Variants in CDYL2 observed in about 807,000 individuals in gnomAD.
CDYL2 encodes the protein chromodomain Y like 2.
CDYL2 carries 23 observed loss-of-function variants against 49.4 expected under a neutral mutation model. That is an observed-to-expected ratio of 0.47 (90% confidence interval 0.34 to 0.66). The LOEUF (loss-of-function observed/expected upper bound fraction) is 0.66, where lower values mean the gene tolerates loss of function less well. Ranked by LOEUF, CDYL2 falls within the 30% of genes least tolerant of loss-of-function variation. The pLI, the probability that CDYL2 is intolerant of heterozygous loss-of-function variation, is 0.01. For missense variants in CDYL2, 678 were observed against 656.4 expected (o/e 1.03, Z -0.36); for synonymous variants, 360 against 268.8 (o/e 1.34, Z -3.32).
chr16:80,642,182 C>T (rs1230348856), intron 2 of CDYL2, among the ~76,000 whole-genome samples: 1 of 152,160 alleles, frequency 6.6e-6, no homozygotes, highest in Non-Finnish European at 1.5e-5. Flanking sequence ...GTGGCTCACG[C>T]CTGTAATCCC....
At chr16:80,673,896 G>C (rs1214131615) in intron 2 of CDYL2, among the ~76,000 whole-genome samples, 1 of 152,188 alleles carries the variant, frequency 6.6e-6, no homozygotes, top group African/African-American at 2.4e-5. Flanking sequence ...TCAAGAGAAG[G>C]AGATGTGAGG....
intron 2 of CDYL2, among the ~76,000 whole-genome samples, chr16:80,639,950 C>A (rs903848632): frequency 2.0e-5 from 3 of 152,200 alleles, no homozygotes; most frequent in African/African-American, 7.2e-5. Flanking sequence ...TCACTGATAT[C>A]CCAGTGGTCA....
chr16:80,720,170 T>A (rs1362163959), intron 1 of CDYL2, among the ~76,000 whole-genome samples: 1 of 152,068 alleles, frequency 6.6e-6, no homozygotes, highest in Non-Finnish European at 1.5e-5. Context: ...TCCACACAGA[T>A]CCAGGAGGGG....
intron 2 of CDYL2, among the ~76,000 whole-genome samples, chr16:80,676,346 C>CT (rs1332018666): frequency 6.6e-6 from 1 of 152,136 alleles, no homozygotes; most frequent in Non-Finnish European, 1.5e-5. Flanking sequence ...GGGGTGGGTA[C>CT]TTGAAGTGGG....
chr16:80,769,528 C>A (rs1458167130), intron 1 of CDYL2, among the ~76,000 whole-genome samples: 3 of 152,096 alleles, frequency 2.0e-5, no homozygotes, highest in Non-Finnish European at 2.9e-5. Context: ...GAGAATGGAC[C>A]CTGCACTCAC....
At chr16:80,626,707 C>G (rs999350861) in intron 3 of CDYL2, among the ~76,000 whole-genome samples, 1 of 152,120 alleles carries the variant, frequency 6.6e-6, no homozygotes, top group Admixed American at 6.5e-5. Flanking sequence ...AGCAAACTTC[C>G]AAAGGATCAC....
intron 1 of CDYL2, among the ~76,000 whole-genome samples, chr16:80,733,796 A>C (rs1905417878): frequency 6.6e-6 from 1 of 152,204 alleles, no homozygotes; most frequent in East Asian, 1.9e-4. Context: ...GAACTATTGC[A>C]ATGGCTCCCA....
intron 1 of CDYL2, among the ~76,000 whole-genome samples, chr16:80,746,974 G>A (rs1301262475): frequency 6.6e-6 from 1 of 152,036 alleles, no homozygotes; most frequent in Non-Finnish European, 1.5e-5. Context: ...ACAACTGGCT[G>A]GATTTCAAAA....
intron 1 of CDYL2, among the ~76,000 whole-genome samples, chr16:80,794,492 T>C (rs532646520): frequency 6.6e-6 from 1 of 152,110 alleles, no homozygotes; most frequent in African/African-American, 2.4e-5. Flanking sequence ...AAAAAGGAAC[T>C]GACATGGCTG....
intron 1 of CDYL2, among the ~76,000 whole-genome samples, chr16:80,686,102 G>A (rs911227348): frequency 2.6e-5 from 4 of 152,202 alleles, no homozygotes; most frequent in Admixed American, 6.5e-5. Context: ...TGCACAGCTC[G>A]CAGGCGATAC....
At chr16:80,670,441 T>A (rs759025954) in intron 2 of CDYL2, among the ~76,000 whole-genome samples, 4 of 152,148 alleles carry the variant, frequency 2.6e-5, no homozygotes, top group Non-Finnish European at 4.4e-5. Context: ...CCGCCATGAT[T>A]GTAAGTTTCC....
At chr16:80,768,705 G>C (rs1906809807) in intron 1 of CDYL2, among the ~76,000 whole-genome samples, 1 of 152,206 alleles carries the variant, frequency 6.6e-6, no homozygotes, top group African/African-American at 2.4e-5. Context: ...TGAGAAGGAA[G>C]TAATCTGGCT....
chr16:80,753,022 T>C (rs572214037), intron 1 of CDYL2, among the ~76,000 whole-genome samples: 1 of 152,308 alleles, frequency 6.6e-6, no homozygotes, highest in African/African-American at 2.4e-5. Flanking sequence ...AATAATGACA[T>C]GTGGCCTTCA....
In CDYL2 at chr16:80,728,480, C is replaced by T. The variant is rs1348935206; in HGVS notation, c.25-43351G>A. On this transcript the variant is annotated intron_variant, in intron 1 of 6. Coordinates refer to ENST00000570137, the MANE Select transcript of CDYL2 (RefSeq NM_152342.4). ...TCAAATCTACGTCTGATTGGTGTAC[C>T]TGAAAGTGATGGGGAGAATGGAACC... Among the ~76,000 whole-genome samples, 6 of 152,252 alleles carry T rather than the reference C, an allele frequency of 3.9e-5. 1 individual carries two copies. The highest frequency in any genetic ancestry group is 9.6e-5 in the African/African-American group (4 of 41,538).
intron 1 of CDYL2, among the ~76,000 whole-genome samples, chr16:80,756,849 T>C (rs1906327048): frequency 7.0e-6 from 1 of 143,504 alleles, no homozygotes; most frequent in African/African-American, 2.5e-5. Context: ...AGCATTATCA[T>C]CGTATAAATT....
At chr16:80,649,148 G>C (rs1908478935) in intron 2 of CDYL2, among the ~76,000 whole-genome samples, 1 of 152,028 alleles carries the variant, frequency 6.6e-6, no homozygotes, top group African/African-American at 2.4e-5. Context: ...AGAGTAATTA[G>C]ACAAATGAAA....
At chr16:80,662,453 G>A (rs1056202884) in intron 2 of CDYL2, among the ~76,000 whole-genome samples, 1 of 152,076 alleles carries the variant, frequency 6.6e-6, no homozygotes, top group African/African-American at 2.4e-5. Context: ...CCAGAGCAGT[G>A]CATCTCTCTT....
chr16:80,712,751 G>T (rs1294597118), intron 1 of CDYL2, among the ~76,000 whole-genome samples: 3 of 152,124 alleles, frequency 2.0e-5, no homozygotes, highest in Non-Finnish European at 2.9e-5. Context: ...TAAAGACAAT[G>T]CAGTCAACAA....
intron 1 of CDYL2, among the ~76,000 whole-genome samples, chr16:80,776,430 C>A (rs1907085203): frequency 6.6e-6 from 1 of 151,722 alleles, no homozygotes; most frequent in African/African-American, 2.4e-5. Flanking sequence ...TAGGAAGGAG[C>A]TACAAAAAAA....
Sources: allele counts gnomAD v4.1 joint callset (sites outside exome capture counted in the v4.1 genomes callset), GRCh38; gene constraint gnomAD v4.1.1; transcripts MANE v1.5; gene names NCBI Gene and HGNC (gene_info 2026-07-23, HGNC 2026-07-21).